Variants in PRDM5 observed in about 807,000 individuals in gnomAD.
The protein encoded by PRDM5 is PR/SET domain 5, also known as PR domain zinc finger protein 5.
A neutral mutation model predicts 81.2 loss-of-function variants in PRDM5; 56 were observed. The observed-to-expected ratio is 0.69, with a 90% CI of 0.56 to 0.86. The LOEUF (loss-of-function observed/expected upper bound fraction) is 0.86. Among genes scored for constraint, PRDM5 ranks in the 40% least tolerant of loss-of-function variants. The pLI is 0.00. For synonymous variants in PRDM5, 267 were observed against 256.4 expected, an observed-to-expected ratio of 1.04 and a Z score of -0.39; for missense variants, 697 against 770.1, an observed-to-expected ratio of 0.91 and a Z score of 1.12.
rs115757907 is a variant in PRDM5, at chr4:120,844,210, A to G, written c.300+9208T>C. ...TAAAACAGATTTTACTTTGTTTCAT[A>G]TACAGACGATATTATAAAGACAAAA... On this transcript the variant is annotated intron_variant, in intron 3 of 15. Coordinates refer to ENST00000264808, the MANE Select transcript of PRDM5 (RefSeq NM_018699.4). Among the ~76,000 whole-genome samples the G allele has an allele frequency of 3.1e-3, 467 of 152,284 alleles. 3 individuals carry two copies. The highest frequency in any genetic ancestry group is 0.011 in the African/African-American group (460 of 41,556).
rs1331219765 is a variant in PRDM5, at chr4:120,816,484, G to A, written c.834C>T (p.Ala278=). Residue 278 remains alanine (A), a synonymous_variant, in exon 7 of 16, where the codon GCC becomes GCT. Transcript: ENST00000264808. ...SCGKRLKSKD[A]LKRHQENVHT... ...GGACATTTTCCTGGTGTCTTTTCAG[G>A]GCATCCTTGCTCTTCAGCCTCTTTC... The A allele has an allele frequency of 4.3e-6, 7 of 1,614,140 alleles. No individual in the cohort carries two copies. Among genetic ancestry groups the A allele is most frequent in the Non-Finnish European group, 5.9e-6 (7 of 1,180,016 alleles).
intron 1 of PRDM5, among the ~76,000 whole-genome samples, chr4:120,686,052 C>T (rs528907396): frequency 1.3e-5 from 2 of 151,984 alleles, no homozygotes; most frequent in African/African-American, 4.8e-5. Context: ...CCACCCACCC[C>T]ACTTCTCTCT....
Position 120,890,885 on chromosome 4 carries a change from T to C in PRDM5, c.177+16589A>G, listed in dbSNP as rs574969437. ...TTCTGGATATTAGAATTTTGTCAGA[T>C]GTGTAGTTAGTAAATATTTTCTCCC... On this transcript the variant is annotated intron_variant, in intron 2 of 15. Coordinates refer to ENST00000264808, the MANE Select transcript of PRDM5 (RefSeq NM_018699.4). Among the ~76,000 whole-genome samples, 4 of 152,338 alleles carry C rather than the reference T, an allele frequency of 2.6e-5. No individual in the cohort carries two copies. In the South Asian group the frequency reaches 8.3e-4, roughly 32 times the overall value.
chr4:120,782,706 C>G (rs1360669714), intron 11 of PRDM5, among the ~76,000 whole-genome samples: 1 of 151,876 alleles, frequency 6.6e-6, no homozygotes, highest in African/African-American at 2.4e-5. Flanking sequence ...TTTAAACATT[C>G]TGTTTGTATA....
At chr4:120,703,459 G>C (rs935665336) in intron 15 of PRDM5, among the ~76,000 whole-genome samples, 1 of 152,090 alleles carries the variant, frequency 6.6e-6, no homozygotes, top group South Asian at 2.1e-4. Context: ...CAAAGTGCTG[G>C]GATGATAGGC....
chr4:120,917,856 G>GA (rs1724390494), intron 1 of PRDM5, among the ~76,000 whole-genome samples: 1 of 152,042 alleles, frequency 6.6e-6, no homozygotes, highest in South Asian at 2.1e-4. Context: ...TCAGAATAGA[G>GA]AAAAAACATT....
chr4:120,857,196 A>T (rs1158488143), intron 2 of PRDM5, among the ~76,000 whole-genome samples: 1 of 152,114 alleles, frequency 6.6e-6, no homozygotes, highest in Non-Finnish European at 1.5e-5. Flanking sequence ...CATCTCTATT[A>T]AAAAATACGA....
chr4:120,892,931 C>T (rs1764215109), intron 2 of PRDM5, among the ~76,000 whole-genome samples: 1 of 152,194 alleles, frequency 6.6e-6, no homozygotes, highest in South Asian at 2.1e-4. Context: ...GAAGCAGGAC[C>T]ACTGGGCCAG....
intron 15 of PRDM5, among the ~76,000 whole-genome samples, chr4:120,703,960 G>C (rs896383978): frequency 1.3e-5 from 2 of 152,144 alleles, no homozygotes; most frequent in East Asian, 1.9e-4. Context: ...TGTAAGAAAG[G>C]TTCTCAGACA....
Position 120,882,852 on chromosome 4 carries a change from A to T in PRDM5, c.177+24622T>A, listed in dbSNP as rs1304791057. 6.6e-5 allele frequency among the ~76,000 whole-genome samples: 10 copies of T among 152,370 alleles called. No homozygotes were observed. In the East Asian group the frequency reaches 1.9e-3, roughly 29 times the overall value. On this transcript the variant is annotated intron_variant, in intron 2 of 15. Coordinates refer to ENST00000264808, the MANE Select transcript of PRDM5 (RefSeq NM_018699.4). ...AAAACAACGTACGTGCCTCATACAC[A>T]CCCTACAATACAGTTATATCTCACA...
intron 2 of PRDM5, among the ~76,000 whole-genome samples, chr4:120,858,038 G>C (rs1165517934): frequency 6.6e-6 from 1 of 152,166 alleles, no homozygotes; most frequent in Non-Finnish European, 1.5e-5. Context: ...ATGGTAAAAT[G>C]TAATGGCAGC....
At position 120,754,711 on chromosome 4, in the gene PRDM5, C is replaced by G. The variant is rs369493726; in HGVS notation, c.1538-73G>C. 1.2e-5 allele frequency: 13 copies of G among 1,067,302 alleles called. No homozygotes were observed. The African/African-American group carries it at 1.2e-4, about 10-fold the overall frequency. The allele number at this position is 1,067,302 out of a possible 1,614,324, so 66.1% of individuals were successfully genotyped here. On this transcript the variant is annotated intron_variant, in intron 13 of 15. Coordinates refer to ENST00000264808, the MANE Select transcript of PRDM5 (RefSeq NM_018699.4). Reference sequence around the variant, plus strand: ...ACCAGTCCTGTGCTATCACTTCTCACACACTCAGATCCTGGCCACCGCATA... The same window carrying G: ...ACCAGTCCTGTGCTATCACTTCTCAGACACTCAGATCCTGGCCACCGCATA...
At chr4:120,781,695 C>A (rs1029908152) in intron 11 of PRDM5, among the ~76,000 whole-genome samples, 1 of 152,114 alleles carries the variant, frequency 6.6e-6, no homozygotes, top group East Asian at 1.9e-4. Flanking sequence ...CCCTCAAATC[C>A]CACCACGGTC....
intron 13 of PRDM5, among the ~76,000 whole-genome samples, chr4:120,759,014 C>A (rs1745209134): frequency 6.6e-6 from 1 of 152,070 alleles, no homozygotes; most frequent in Non-Finnish European, 1.5e-5. Context: ...CTCAACCACC[C>A]AAAGTGCTGG....
chr4:120,838,996 C>T, intron 3 of PRDM5: 1 of 543,570 alleles, frequency 1.8e-6, no homozygotes, highest in South Asian at 2.6e-5. Context: ...CAGCTCTCTG[C>T]CAGGCTGCAG....
chr4:120,828,795 C>T (rs1011559985), intron 3 of PRDM5, among the ~76,000 whole-genome samples: 4 of 152,002 alleles, frequency 2.6e-5, no homozygotes, highest in African/African-American at 9.7e-5. Flanking sequence ...TAGAGTAGTT[C>T]CTTATATGTG....
intron 2 of PRDM5, among the ~76,000 whole-genome samples, chr4:120,869,145 C>T (rs1761523057): frequency 6.6e-6 from 1 of 151,906 alleles, no homozygotes; most frequent in Non-Finnish European, 1.5e-5. Flanking sequence ...AACAAATATA[C>T]ACATCAAAAC....
At chr4:120,918,965 A>C (rs963746168) in intron 1 of PRDM5, among the ~76,000 whole-genome samples, 4 of 152,198 alleles carry the variant, frequency 2.6e-5, no homozygotes, top group Admixed American at 1.3e-4. Context: ...TGGCCAGCCC[A>C]CAGGCTGGGA....
chr4:120,801,001 A>G (rs993305231), intron 8 of PRDM5, among the ~76,000 whole-genome samples: 2 of 152,224 alleles, frequency 1.3e-5, no homozygotes, highest in African/African-American at 4.8e-5. Flanking sequence ...TTCAGAAACA[A>G]TGTATTCAAT....
Sources: allele counts gnomAD v4.1 joint callset (sites outside exome capture counted in the v4.1 genomes callset), GRCh38; gene constraint gnomAD v4.1.1; transcripts MANE v1.5; gene names NCBI Gene and HGNC (gene_info 2026-07-23, HGNC 2026-07-21).